Variants in SYN2 observed in about 807,000 individuals in gnomAD.
SYN2 encodes the protein synapsin-2.
In SYN2, 19 loss-of-function variants were observed where a neutral mutation model predicts 50.9. The ratio of observed to expected loss-of-function variants is 0.37; its 90% CI spans 0.26 to 0.55. The LOEUF (loss-of-function observed/expected upper bound fraction) is 0.55, where lower values mean the gene tolerates loss of function less well. Among genes scored for constraint, SYN2 ranks in the 20% least tolerant of loss-of-function variants. The pLI, the probability that SYN2 is intolerant of heterozygous loss-of-function variation, is 0.81. For missense variants in SYN2, 587 were observed against 576.4 expected, an observed-to-expected ratio of 1.02 and a Z score of -0.19; for synonymous variants, 255 against 224.9, an observed-to-expected ratio of 1.13 and a Z score of -1.20.
intron 1 of SYN2, among the ~76,000 whole-genome samples, chr3:12,057,283 C>CTGTGTGTG (rs1361358278): frequency 4.7e-5 from 1 of 21,448 alleles, no homozygotes; most frequent in African/African-American, 1.9e-4. Context: ...CAAGGCAAGA[C>CTGTGTGTG]TGTCTGTGTG....
At chr3:12,177,101 G>A (rs1473640717) in intron 10 of SYN2, among the ~76,000 whole-genome samples, 1 of 152,190 alleles carries the variant, frequency 6.6e-6, no homozygotes, top group Non-Finnish European at 1.5e-5. Flanking sequence ...CAGAATTGAA[G>A]GACTGAGGCT....
At position 12,157,027 on chromosome 3, in the gene SYN2, T is replaced by G. The variant is rs1340527900; in HGVS notation, c.775-4519T>G. On this transcript the variant is annotated intron_variant, in intron 5 of 12. Transcript: ENST00000621198. ...AACCTCTCACTTCTCAGCCTAAAAA[T>G]GTAAGCAAAAGTCTAGTTGAGGATT... 5.4e-6 allele frequency: 5 copies of G among 922,478 alleles called. No individual in the cohort carries two copies. The African/African-American group carries it at 6.6e-5, about 12-fold the overall frequency. 57.1% of individuals were successfully genotyped at this position (922,478 alleles called of 1,614,324 possible). A position where few individuals can be genotyped will look rare whatever the true frequency, so the allele number is the denominator to read the frequency against.
chr3:12,171,703 G>A (rs999690442), intron 10 of SYN2, among the ~76,000 whole-genome samples: 1 of 152,178 alleles, frequency 6.6e-6, no homozygotes, highest in African/African-American at 2.4e-5. Context: ...GTGACCTTGG[G>A]TAGGTTTATT....
intron 5 of SYN2, chr3:12,154,589 G>C (rs1184732017): frequency 1.2e-6 from 1 of 838,130 alleles, no homozygotes; most frequent in African/African-American, 1.7e-5. Flanking sequence ...TCAGTGAAGG[G>C]ACCAATAAAT....
chr3:12,149,748 G>A (rs1284862299), intron 4 of SYN2, among the ~76,000 whole-genome samples: 1 of 152,190 alleles, frequency 6.6e-6, no homozygotes, highest in Non-Finnish European at 1.5e-5. Flanking sequence ...TCACTAAAGG[G>A]AGGGACCTAG....
At chr3:12,070,422 G>C (rs521335) in intron 1 of SYN2, 540,175 of 544,592 alleles carry the variant, frequency 0.99, 267,912 homozygotes, top group Middle Eastern at 1. Context: ...GCATCCTGAC[G>C]CTGAAGATTG....
chr3:12,134,283 A>G (rs941421855), intron 1 of SYN2, among the ~76,000 whole-genome samples: 4 of 152,210 alleles, frequency 2.6e-5, no homozygotes, highest in Non-Finnish European at 1.5e-5. Flanking sequence ...ATTATTGTGG[A>G]TATTTCTGCA....
chr3:12,007,029 A>G (rs556844652), intron 1 of SYN2, among the ~76,000 whole-genome samples: 5 of 152,326 alleles, frequency 3.3e-5, no homozygotes, highest in South Asian at 2.1e-4. Context: ...CCAGTTAGGT[A>G]TCTATAGATA....
intron 1 of SYN2, among the ~76,000 whole-genome samples, chr3:12,126,588 T>C (rs1232393999): frequency 1.3e-5 from 2 of 152,246 alleles, no homozygotes; most frequent in Non-Finnish European, 2.9e-5. Context: ...TGCCATATTT[T>C]AGTTGTAGTA....
At chr3:12,061,275 GA>G in intron 1 of SYN2, among the ~76,000 whole-genome samples, 1 of 152,196 alleles carries the variant, frequency 6.6e-6, no homozygotes, top group African/African-American at 2.4e-5. Context: ...AGAAGGCAAA[GA>G]AAGAACAGAA....
At chr3:12,138,149 G>T (rs11921394) in intron 1 of SYN2, among the ~76,000 whole-genome samples, 12,248 of 152,220 alleles carry the variant, frequency 0.08, 860 homozygotes, top group East Asian at 0.19. Flanking sequence ...ATGTCCAAGA[G>T]CCTGGAGCTG....
intron 1 of SYN2, among the ~76,000 whole-genome samples, chr3:12,051,911 A>G (rs1279198594): frequency 6.6e-6 from 1 of 152,200 alleles, no homozygotes; most frequent in Non-Finnish European, 1.5e-5. Flanking sequence ...GAGGTTAGAA[A>G]TCTTACTAAA....
chr3:12,072,411 A>G (rs1400401336), intron 1 of SYN2, among the ~76,000 whole-genome samples: 1 of 152,188 alleles, frequency 6.6e-6, no homozygotes, highest in Admixed American at 6.5e-5. Flanking sequence ...CCGAAGTCAC[A>G]AAGATTTATG....
At chr3:12,151,503 C>G (rs1386243695) in intron 5 of SYN2, among the ~76,000 whole-genome samples, 177 bp downstream of exon 5, 4 of 152,178 alleles carry the variant, frequency 2.6e-5, no homozygotes, top group Admixed American at 2.6e-4. Context: ...AGCCTCTTGT[C>G]AAATTCTGGA....
At chr3:12,038,678 T>C (rs1694552130) in intron 1 of SYN2, among the ~76,000 whole-genome samples, 1 of 152,318 alleles carries the variant, frequency 6.6e-6, no homozygotes, top group Admixed American at 6.5e-5. Context: ...TGTTGTAAAT[T>C]GAATTGGTCC....
intron 1 of SYN2, among the ~76,000 whole-genome samples, chr3:12,006,099 C>G (rs1693797120): frequency 6.6e-6 from 1 of 151,972 alleles, no homozygotes; most frequent in African/African-American, 2.4e-5. Flanking sequence ...TCTCCATTTC[C>G]TCTTTTGGCT....
chr3:12,007,109 G>A (rs2125128347), intron 1 of SYN2, among the ~76,000 whole-genome samples: 1 of 152,268 alleles, frequency 6.6e-6, no homozygotes, highest in East Asian at 1.9e-4. Context: ...AAATGCTTCT[G>A]TAGCTTAAGA....
chr3:12,178,468 A>C (rs1485842264), intron 10 of SYN2, among the ~76,000 whole-genome samples: 2 of 152,158 alleles, frequency 1.3e-5, no homozygotes, highest in Admixed American at 6.5e-5. Flanking sequence ...ACCCTCATCC[A>C]TGGGCTTGGT....
At chr3:12,060,979 C>G (rs937545524) in intron 1 of SYN2, among the ~76,000 whole-genome samples, 1 of 151,996 alleles carries the variant, frequency 6.6e-6, no homozygotes, top group African/African-American at 2.4e-5. Flanking sequence ...ATGGTAAACG[C>G]TCTGATGGAA....
Sources: gnomAD v4.1 joint callset for allele counts (sites outside exome capture counted in the v4.1 genomes callset) on GRCh38, gnomAD v4.1.1 for gene constraint, MANE v1.5 for transcripts, NCBI Gene and HGNC (gene_info 2026-07-23, HGNC 2026-07-21) for gene names.